The following MPHOSPH8 variants were observed in gnomAD, a reference collection of about 807,000 sequenced individuals.
MPHOSPH8 encodes M-phase phosphoprotein 8, also known as M-phase phosphoprotein, mpp.
MPHOSPH8 carries 45 observed loss-of-function variants against 87.3 expected under a neutral mutation model. The observed-to-expected ratio is 0.52, with a 90% CI of 0.41 to 0.66. The LOEUF is 0.66. MPHOSPH8 is among the 30% of genes least tolerant of loss of function. MPHOSPH8 has a pLI of 0.00. For synonymous variants in MPHOSPH8, 366 were observed against 376.9 expected, an observed-to-expected ratio of 0.97 and a Z score of 0.33; for missense variants, 883 against 1,020.2, an observed-to-expected ratio of 0.87 and a Z score of 1.83.
In MPHOSPH8 at chr13:19,671,247, C is replaced by A; in HGVS notation, c.2499C>A (p.Pro833=). The change falls in exon 13 of 14, where the codon CCC becomes CCA. Residue 833 remains proline (P), a synonymous_variant. Coordinates refer to ENST00000361479, the MANE Select transcript of MPHOSPH8 (RefSeq NM_017520.4). The part of the protein sequence containing the change: ...FVYSFSPVAG[P]NKLFIRLTEA... ...ACTCATTCAGCCCTGTTGCAGGTCC[C>A]AATAAACTCTTCATAAGGTTGACAG... The A allele has an allele frequency of 6.2e-7, 1 of 1,614,020 alleles. No individual in the cohort carries two copies. Among genetic ancestry groups the A allele is most frequent in the East Asian group, 2.2e-5 (1 of 44,886 alleles).
chr13:19,654,720 G>A (rs1353261642), intron 5 of MPHOSPH8, among the ~76,000 whole-genome samples: 3 of 152,100 alleles, frequency 2.0e-5, no homozygotes, highest in African/African-American at 4.8e-5. Flanking sequence ...AGGCCGAGGC[G>A]GGTGAATCAC....
intron 4 of MPHOSPH8, 31 bp from the exon 5 acceptor site, chr13:19,649,972 A>T (rs1435207070): frequency 6.6e-7 from 1 of 1,504,274 alleles, no homozygotes. Context: ...TGTGACTCAT[A>T]CTTAACCATC....
intron 7 of MPHOSPH8, 118 bp from the exon 8 acceptor site, chr13:19,661,580 A>G (rs1875529891): frequency 2.0e-6 from 2 of 1,022,140 alleles, no homozygotes; most frequent in Non-Finnish European, 2.8e-6. Context: ...TCCTAAGTAG[A>G]TGCCTAAATC....
intron 1 of MPHOSPH8, among the ~76,000 whole-genome samples, chr13:19,639,247 C>G (rs891856472): frequency 2.6e-5 from 4 of 151,202 alleles, no homozygotes; most frequent in African/African-American, 9.7e-5. Context: ...TAGTTGCTTG[C>G]GACTCCTCCT....
chr13:19,633,898 C>G lies in MPHOSPH8; in HGVS notation c.150C>G (p.Asp50Glu). 1 of 1,611,658 alleles carries G rather than the reference C, an allele frequency of 6.2e-7. No homozygotes were observed. The change falls in exon 1 of 14, where the codon GAC (aspartate) becomes GAG (glutamate). Residue 50 changes from aspartate to glutamate, a missense_variant. Asp to Glu is a conservative substitution (Grantham distance 45, BLOSUM62 2). Around this residue, in one of 3 missense-constraint regions of MPHOSPH8, gnomAD observed 103 missense variants for 96.3 expected, o/e 1.07. Coordinates refer to ENST00000361479, the MANE Select transcript of MPHOSPH8 (RefSeq NM_017520.4). ...AAARGAEAFG[D>E]SEEDGEDVFE... Reference sequence around the variant, plus strand: ...CGAGAGGAGCGGAGGCCTTTGGCGACAGTGAGGAGGACGGAGAGGATGTGT... The same window carrying G: ...CGAGAGGAGCGGAGGCCTTTGGCGAGAGTGAGGAGGACGGAGAGGATGTGT...
chr13:19,657,524 C>T (rs1440019627), intron 5 of MPHOSPH8, among the ~76,000 whole-genome samples: 2 of 149,178 alleles, frequency 1.3e-5, no homozygotes, highest in Non-Finnish European at 3.0e-5. Flanking sequence ...GCCGAGATGG[C>T]GCCACTGCAC....
Position 19,672,835 on chromosome 13 carries a change from C to T in MPHOSPH8, c.*960C>T. On this transcript the variant is annotated 3_prime_UTR_variant, in exon 14 of 14. Transcript: ENST00000361479. ...GAACTTTTAGCAGAGCGTGGTGGCT[C>T]ACACCTATAATCCCAGCGCTTTGGA... is the stretch of plus-strand genomic sequence containing the variant. 1 of 309,694 alleles carries T rather than the reference C, an allele frequency of 3.2e-6. No individual in the cohort carries two copies. The highest frequency in any genetic ancestry group is 6.4e-6 in the Non-Finnish European group (1 of 156,740). 19.2% of individuals were successfully genotyped at this position (309,694 alleles called of 1,614,324 possible).
At position 19,668,455 on chromosome 13, in the gene MPHOSPH8, C is replaced by T. The variant is rs757133284; in HGVS notation, c.2253C>T (p.Ile751=). ...CTCTGCTAGAACCAGTTTTTCCAAT[C>T]GCATGTCATCGACTCTGTGAGGGTC... ...RLALLEPVFP[I]ACHRLCEGPD... The change falls in exon 11 of 14, where the codon ATC becomes ATT. Residue 751 remains isoleucine (I), a synonymous_variant. Transcript: ENST00000361479. 9.9e-6 allele frequency: 16 copies of T among 1,613,954 alleles called. No individual in the cohort carries two copies. In the East Asian group the frequency reaches 1.1e-4, roughly 11 times the overall value.
At chr13:19,645,103 G>T (rs982714932) in intron 2 of MPHOSPH8, among the ~76,000 whole-genome samples, 6 of 152,092 alleles carry the variant, frequency 3.9e-5, no homozygotes, top group Admixed American at 2.6e-4. Context: ...GGTCCCTTTT[G>T]CAGGGCCTGG....
chr13:19,650,004 A>C lies in MPHOSPH8; in HGVS notation c.1320A>C (p.Thr440=). 6.3e-7 allele frequency: 1 copy of C among 1,579,812 alleles called. No individual in the cohort carries two copies. The highest frequency in any genetic ancestry group is 8.6e-7 in the Non-Finnish European group (1 of 1,162,148). ...KGRKEPKGLK[T]LKEIRNAFDL... The stretch of plus-strand genomic sequence containing the variant: ...CATCTATTTTAATTTTTTCGTTAGC[A>C]CTTAAGGAAATCAGAAATGCATTTG... Residue 440 remains threonine, a splice_region_variant and synonymous_variant, in exon 5 of 14, where the codon ACA becomes ACC. Transcript: ENST00000361479.
intron 4 of MPHOSPH8, among the ~76,000 whole-genome samples, chr13:19,649,418 G>C (rs1874729260): frequency 1.3e-5 from 2 of 152,126 alleles, no homozygotes; most frequent in African/African-American, 4.8e-5. Context: ...AATAAAACCT[G>C]TCTGCTGTGT....
At chr13:19,652,782 C>T (rs1329227697) in intron 5 of MPHOSPH8, among the ~76,000 whole-genome samples, 2 of 152,058 alleles carry the variant, frequency 1.3e-5, no homozygotes, top group Admixed American at 1.3e-4. Context: ...TCGAGTAGGT[C>T]GTTTTACCCT....
chr13:19,662,922 A>G (rs938198670), intron 8 of MPHOSPH8, 118 bp from the exon 9 acceptor site: 1 of 865,772 alleles, frequency 1.2e-6, no homozygotes, highest in Non-Finnish European at 1.8e-6. Context: ...TGCAGCCCGC[A>G]ACCACTTGTG....
chr13:19,633,675 G>C lies in MPHOSPH8; in HGVS notation c.-74G>C. ...TACGCCGCTGATGTGGAGTAGGGCC[G>C]AGCGCGGAACGCGAGGGGCTGCTGG... is the stretch of plus-strand genomic sequence containing the variant. On this transcript the variant is annotated 5_prime_UTR_variant, in exon 1 of 14. Transcript: ENST00000361479. 6.6e-7 allele frequency: 1 copy of C among 1,504,194 alleles called. No individual in the cohort carries two copies. Among genetic ancestry groups the C allele is most frequent in the Non-Finnish European group, 9.0e-7 (1 of 1,105,980 alleles). 93.2% of individuals were successfully genotyped at this position (1,504,194 alleles called of 1,614,324 possible).
At position 19,668,359 on chromosome 13, in the gene MPHOSPH8, A is replaced by T; in HGVS notation, c.2175-18A>T. The T allele has an allele frequency of 6.2e-7, 1 of 1,608,684 alleles. No homozygotes were observed. Among genetic ancestry groups the T allele is most frequent in the Non-Finnish European group, 8.5e-7 (1 of 1,176,824 alleles). Reference sequence around the variant, plus strand: ...CTTTTCTACATTAACGTTAACACGTACTATTTTTTTTTCTTAGACTTTCAA... The same window carrying T: ...CTTTTCTACATTAACGTTAACACGTTCTATTTTTTTTTCTTAGACTTTCAA... On this transcript the variant is annotated intron_variant, in intron 10 of 13. Coordinates refer to ENST00000361479, the MANE Select transcript of MPHOSPH8 (RefSeq NM_017520.4).
intron 8 of MPHOSPH8, among the ~76,000 whole-genome samples, 179 bp from the exon 9 acceptor site, chr13:19,662,861 C>T (rs757814393): frequency 2.6e-5 from 4 of 152,182 alleles, no homozygotes; most frequent in Admixed American, 6.5e-5. Context: ...TGAGTGGCCA[C>T]GTTTGGGCCT....
chr13:19,650,574 G>C (rs1593476399), intron 5 of MPHOSPH8, among the ~76,000 whole-genome samples: 1 of 152,160 alleles, frequency 6.6e-6, no homozygotes, highest in East Asian at 1.9e-4. Context: ...TTTCTTTCAG[G>C]AAATTATCAA....
intron 1 of MPHOSPH8, 51 bp from the exon 2 acceptor site, chr13:19,642,064 T>TTG: frequency 9.9e-6 from 9 of 906,804 alleles, no homozygotes; most frequent in South Asian, 3.6e-5. Flanking sequence ...TTTGGAAATT[T>TTG]AATCAAGTTA....
chr13:19,645,203 G>A (rs1169805107), intron 2 of MPHOSPH8, among the ~76,000 whole-genome samples: 1 of 152,072 alleles, frequency 6.6e-6, no homozygotes, highest in Admixed American at 6.6e-5. Context: ...CAGCAGCCTG[G>A]GCTTTTCCAG....
Sources: allele counts gnomAD v4.1 joint callset (sites outside exome capture counted in the v4.1 genomes callset), GRCh38; gene constraint gnomAD v4.1.1; regional missense constraint gnomAD v4.1.1; transcripts MANE v1.5; gene names NCBI Gene and HGNC (gene_info 2026-07-23, HGNC 2026-07-21).